Variants in SLC25A18 observed in about 807,000 individuals in gnomAD.
SLC25A18 encodes solute carrier family 25 member 18.
In SLC25A18, 24 loss-of-function variants were observed where a neutral mutation model predicts 31.1. The ratio of observed to expected loss-of-function variants is 0.77; its 90% CI spans 0.56 to 1.08. The LOEUF is 1.08. SLC25A18 is among the 50% of genes least tolerant of loss of function. The probability of loss-of-function intolerance (pLI) is 0.00; values close to 1 mark genes in which losing one functional copy is unlikely to be tolerated. For missense variants in SLC25A18, 371 were observed against 418.5 expected, an observed-to-expected ratio of 0.89 and a Z score of 0.99; for synonymous variants, 173 against 161.9, an observed-to-expected ratio of 1.07 and a Z score of -0.52.
intron 1 of SLC25A18, among the ~76,000 whole-genome samples, chr22:17,564,594 G>A (rs1373668896): frequency 1.3e-5 from 2 of 152,140 alleles, no homozygotes; most frequent in Non-Finnish European, 2.9e-5. Flanking sequence ...GGGCGCGGTG[G>A]CTCACACCTG....
chr22:17,583,165 C>T (rs1262272078), intron 6 of SLC25A18, among the ~76,000 whole-genome samples: 1 of 152,250 alleles, frequency 6.6e-6, no homozygotes, highest in Non-Finnish European at 1.5e-5. Context: ...AGGACAACGC[C>T]TGGTCTGGGT....
chr22:17,584,423 G>GAAAGAAAGAAAGAAAGAAAGAAAGA lies in SLC25A18; in HGVS notation c.409+891_409+892insAGAAAGAAAGAAAGAAAGAAAGAAA, dbSNP rs58573353. 5.1e-3 allele frequency among the ~76,000 whole-genome samples: 571 copies of GAAAGAAAGAAAGAAAGAAAGAAAGA among 111,310 alleles called. 2 individuals carry two copies. Among genetic ancestry groups the GAAAGAAAGAAAGAAAGAAAGAAAGA allele is most frequent in the Admixed American group, 0.01 (120 of 11,502 alleles). 73.0% of individuals were successfully genotyped at this position (111,310 alleles called of 152,430 possible). A position where few individuals can be genotyped will look rare whatever the true frequency, so the allele number is the denominator to read the frequency against. Reference sequence around the variant, plus strand: ...GAAAAGAAAGAAAGAAAGAAAGAAAGAAGGAAGGAAGGAAGGAAGGAAGGA... The same window carrying GAAAGAAAGAAAGAAAGAAAGAAAGA: ...GAAAAGAAAGAAAGAAAGAAAGAAAGAAAGAAAGAAAGAAAGAAAGAAAGAAAGGAAGGAAGGAAGGAAGGAAGGA... On this transcript the variant is annotated intron_variant, in intron 7 of 10. Transcript: ENST00000327451.
Position 17,569,947 on chromosome 22 carries a change from C to G in SLC25A18, c.-240C>G. 3 of 985,424 alleles carry G rather than the reference C, an allele frequency of 3.0e-6. No homozygotes were observed. The highest frequency in any genetic ancestry group is 3.6e-6 in the Non-Finnish European group (3 of 829,958). 61.0% of individuals were successfully genotyped at this position (985,424 alleles called of 1,614,324 possible). A position where few individuals can be genotyped will look rare whatever the true frequency, so the allele number is the denominator to read the frequency against. Reference sequence around the variant, plus strand: ...AGCTCAGCAGCGATCTGAACTATATCCTGGGTTCCAGAAAAGGCAGAGGTT... The same window carrying G: ...AGCTCAGCAGCGATCTGAACTATATGCTGGGTTCCAGAAAAGGCAGAGGTT... On this transcript the variant is annotated 5_prime_UTR_variant, in exon 2 of 11. The change creates a new upstream start codon in the 5' untranslated region. Transcript: ENST00000327451.
chr22:17,573,342 G>T (rs1179474449), intron 2 of SLC25A18, among the ~76,000 whole-genome samples: 1 of 152,102 alleles, frequency 6.6e-6, no homozygotes, highest in East Asian at 1.9e-4. Context: ...AGTTGACAGT[G>T]CTGCACCTCC....
chr22:17,570,490 C>T (rs1484368679), intron 2 of SLC25A18: 1 of 152,180 alleles, frequency 6.6e-6, no homozygotes, highest in Non-Finnish European at 1.5e-5. Flanking sequence ...TGCCCCAAGA[C>T]TTTTTGTTGT....
chr22:17,565,415 C>T (rs2056911222), intron 1 of SLC25A18, among the ~76,000 whole-genome samples: 1 of 151,870 alleles, frequency 6.6e-6, no homozygotes, highest in Admixed American at 6.6e-5. Flanking sequence ...TAGGGTCTTG[C>T]CAAGTTGAAG....
At chr22:17,574,201 T>TC (rs1487229470) in intron 2 of SLC25A18, among the ~76,000 whole-genome samples, 1 of 152,102 alleles carries the variant, frequency 6.6e-6, no homozygotes, top group East Asian at 1.9e-4. Flanking sequence ...GCCACGGCGC[T>TC]CCACCCTGGG....
At chr22:17,567,140 C>T (rs1358297979) in intron 1 of SLC25A18, among the ~76,000 whole-genome samples, 3 of 152,080 alleles carry the variant, frequency 2.0e-5, no homozygotes, top group East Asian at 1.9e-4. Context: ...CCAGCCTGGG[C>T]GACAGAGCAA....
rs1221585558 is a variant in SLC25A18, at chr22:17,582,613, G to A, written c.250G>A (p.Ala84Thr). The A allele has an allele frequency of 3.7e-6, 6 of 1,605,628 alleles. No individual in the cohort carries two copies. The highest frequency in any genetic ancestry group is 5.1e-6 in the Non-Finnish European group (6 of 1,175,710). ...LVTPEKAIKL[A>T]ANDFFRRLLM... ...CACTCCAGAGAAGGCCATCAAGCTG[G>A]CGGCCAACGACTTTTTCCGGCGGCT... Residue 84 changes from alanine to threonine, a missense_variant, in exon 6 of 11, where the codon GCG (alanine) becomes ACG (threonine). Ala to Thr is a moderately conservative substitution (Grantham distance 58). Transcript: ENST00000327451.
chr22:17,583,771 C>T (rs1166002927), intron 7 of SLC25A18, among the ~76,000 whole-genome samples: 1 of 151,746 alleles, frequency 6.6e-6, no homozygotes. Context: ...TGGTAAAACC[C>T]CATCTCTTCT....
chr22:17,585,644 A>AT (rs1374922417), intron 7 of SLC25A18, among the ~76,000 whole-genome samples: 81 of 133,340 alleles, frequency 6.1e-4, no homozygotes, highest in Admixed American at 2.1e-3. Flanking sequence ...TATTATTATT[A>AT]TTATTATTTT....
chr22:17,587,827 C>T (rs2057596459), intron 8 of SLC25A18, 98 bp from the exon 9 acceptor site: 2 of 1,507,678 alleles, frequency 1.3e-6, no homozygotes, highest in African/African-American at 2.8e-5. Context: ...GCTCCTCTCA[C>T]TGTAAGCCCC....
At position 17,582,677 on chromosome 22, in the gene SLC25A18, G is replaced by A. The variant is rs372618921; in HGVS notation, c.290+24G>A. ...GGGTATGGCCAGGTGGGGTGGGGTTGGATCCTTCACTGTGTGTTTTTTGGG... is the reference window on the plus strand; with the variant it reads ...GGGTATGGCCAGGTGGGGTGGGGTTAGATCCTTCACTGTGTGTTTTTTGGG... On this transcript the variant is annotated intron_variant, in intron 6 of 10. Coordinates refer to ENST00000327451, the MANE Select transcript of SLC25A18 (RefSeq NM_031481.3). 1.7e-5 allele frequency: 27 copies of A among 1,579,288 alleles called. No homozygotes were observed. In the African/African-American group the frequency reaches 2.5e-4, roughly 15 times the overall value.
chr22:17,567,096 A>G (rs1167378314), intron 1 of SLC25A18, among the ~76,000 whole-genome samples: 7 of 152,252 alleles, frequency 4.6e-5, no homozygotes, highest in African/African-American at 1.7e-4. Flanking sequence ...CAGAAGGTCA[A>G]GGCTGCAGTG....
At chr22:17,566,524 C>T (rs775173246) in intron 1 of SLC25A18, among the ~76,000 whole-genome samples, 3 of 152,056 alleles carry the variant, frequency 2.0e-5, no homozygotes, top group Admixed American at 1.3e-4. Flanking sequence ...GCGGTTCTCC[C>T]GCTTAAGCCT....
intron 2 of SLC25A18, among the ~76,000 whole-genome samples, chr22:17,573,182 T>C (rs983476715): frequency 6.6e-6 from 1 of 152,172 alleles, no homozygotes; most frequent in Non-Finnish European, 1.5e-5. Context: ...AGGGAGCAGA[T>C]GTTCATTAGT....
At chr22:17,566,701 C>T (rs1293573643) in intron 1 of SLC25A18, among the ~76,000 whole-genome samples, 2 of 152,200 alleles carry the variant, frequency 1.3e-5, no homozygotes, top group Non-Finnish European at 2.9e-5. Flanking sequence ...CCCGAGCCAC[C>T]GTGCCTGGCC....
At chr22:17,572,842 C>A (rs695715) in intron 2 of SLC25A18, among the ~76,000 whole-genome samples, 1 of 150,916 alleles carries the variant, frequency 6.6e-6, no homozygotes, top group African/African-American at 2.5e-5. Context: ...GGGGTTTCAC[C>A]GTGTTAGCCA....
rs2056864254 is a variant in SLC25A18, at chr22:17,563,715, T to G, written c.-264+2T>G. The G allele has an allele frequency of 1.0e-6, 1 of 985,208 alleles. No homozygotes were observed. The highest frequency in any genetic ancestry group is 1.7e-5 in the African/African-American group (1 of 57,210). 61.0% of individuals were successfully genotyped at this position (985,208 alleles called of 1,614,324 possible). A position where few individuals can be genotyped will look rare whatever the true frequency, so the allele number is the denominator to read the frequency against. On this transcript the variant is annotated splice_donor_variant, in intron 1 of 10. Coordinates refer to ENST00000327451, the MANE Select transcript of SLC25A18 (RefSeq NM_031481.3). LOFTEE classifies it low-confidence loss of function (5UTR_SPLICE). ...GACTCGCTTGCAGGCAAGTTGTCAG[T>G]AAGTATTTATTAAATACCCACCGTG...
Sources: allele counts gnomAD v4.1 joint callset (sites outside exome capture counted in the v4.1 genomes callset), GRCh38; gene constraint gnomAD v4.1.1; transcripts MANE v1.5; gene names NCBI Gene and HGNC (gene_info 2026-07-23, HGNC 2026-07-21).